NOS1AP: variants seen among roughly 807,000 people sequenced by gnomAD.
NOS1AP encodes the protein carboxyl-terminal PDZ ligand of neuronal nitric oxide synthase protein.
Under a neutral mutation model 56.2 loss-of-function variants are expected in NOS1AP, and 21 were observed. The ratio of observed to expected loss-of-function variants is 0.37; its 90% CI spans 0.26 to 0.54. NOS1AP has a LOEUF of 0.54. NOS1AP is among the 20% of genes least tolerant of loss of function. The pLI is 0.84. For missense variants in NOS1AP, 522 were observed against 657.8 expected (o/e 0.79, Z 2.26); for synonymous variants, 270 against 274.6 (o/e 0.98, Z 0.17).
intron 1 of NOS1AP, among the ~76,000 whole-genome samples, chr1:162,098,505 T>A: frequency 6.6e-6 from 1 of 152,158 alleles, no homozygotes; most frequent in South Asian, 2.1e-4. Flanking sequence ...GTTTTTTTTT[T>A]TTCTCTAACT....
chr1:162,121,229 G>T lies in NOS1AP; in HGVS notation c.106-33176G>T, dbSNP rs530149365. On this transcript the variant is annotated intron_variant, in intron 1 of 9. Transcript: ENST00000361897. ...TCTGTCGCCCAGGATCAAGTGTAGT[G>T]GCACGATCTTGGTTCAGCCTCCCAA... Among the ~76,000 whole-genome samples, 4 of 150,232 alleles carry T rather than the reference G, an allele frequency of 2.7e-5. No homozygotes were observed. The East Asian group carries it at 7.8e-4, about 29-fold the overall frequency.
chr1:162,221,846 C>A (rs1037403390), intron 2 of NOS1AP, among the ~76,000 whole-genome samples: 5 of 152,078 alleles, frequency 3.3e-5, no homozygotes, highest in Non-Finnish European at 7.4e-5. Context: ...AGCTTGTTTT[C>A]TTTTTACTCA....
At chr1:162,087,700 C>T (rs1421838694) in intron 1 of NOS1AP, among the ~76,000 whole-genome samples, 14 of 152,172 alleles carry the variant, frequency 9.2e-5, no homozygotes, top group Admixed American at 8.5e-4. Context: ...TCCCCCTTTA[C>T]CCAGTGAAGT....
At chr1:162,104,025 G>C (rs957090563) in intron 1 of NOS1AP, among the ~76,000 whole-genome samples, 2 of 152,180 alleles carry the variant, frequency 1.3e-5, no homozygotes, top group African/African-American at 4.8e-5. Flanking sequence ...ACTTCAGTGA[G>C]TTTTTGTAGT....
chr1:162,283,831 CA>C (rs1655010854), intron 2 of NOS1AP, among the ~76,000 whole-genome samples: 1 of 152,168 alleles, frequency 6.6e-6, no homozygotes, highest in South Asian at 2.1e-4. Flanking sequence ...CTCTGGCTGG[CA>C]AAGCAAATGC....
chr1:162,273,838 C>T lies in NOS1AP; in HGVS notation c.178-13506C>T, dbSNP rs537812415. Among the ~76,000 whole-genome samples the T allele has an allele frequency of 2.6e-5, 4 of 152,254 alleles. No homozygotes were observed. In the South Asian group the frequency reaches 8.3e-4, roughly 32 times the overall value. On this transcript the variant is annotated intron_variant, in intron 2 of 9. Coordinates refer to ENST00000361897, the MANE Select transcript of NOS1AP (RefSeq NM_014697.3). ...TTTTATTTGTTAAAAATTTGTTTTA[C>T]ATTTCAACCAATTCCCCTCTAACTT...
At chr1:162,173,792 C>T (rs1650922133) in intron 2 of NOS1AP, among the ~76,000 whole-genome samples, 1 of 152,188 alleles carries the variant, frequency 6.6e-6, no homozygotes. Flanking sequence ...GACATTTATG[C>T]AGCCAAAAGA....
intron 6 of NOS1AP, among the ~76,000 whole-genome samples, chr1:162,348,688 A>G (rs903605068): frequency 2.6e-5 from 4 of 152,190 alleles, no homozygotes; most frequent in Non-Finnish European, 4.4e-5. Context: ...CTCTGCAAGG[A>G]GATCAAGCAT....
chr1:162,298,828 C>G (rs1056566297), intron 3 of NOS1AP, among the ~76,000 whole-genome samples: 23 of 152,104 alleles, frequency 1.5e-4, no homozygotes, highest in African/African-American at 4.8e-4. Context: ...AATGAAAAAG[C>G]AGAGTGTCAG....
chr1:162,230,879 A>C (rs1040719752), intron 2 of NOS1AP, among the ~76,000 whole-genome samples: 3 of 152,206 alleles, frequency 2.0e-5, no homozygotes, highest in Non-Finnish European at 2.9e-5. Context: ...TTTTGTGTAT[A>C]CATTCATATG....
chr1:162,249,243 C>G (rs1326042352), intron 2 of NOS1AP, among the ~76,000 whole-genome samples: 1 of 152,140 alleles, frequency 6.6e-6, no homozygotes, highest in Non-Finnish European at 1.5e-5. Flanking sequence ...TGCATTGTCC[C>G]TAGTCCAGCA....
intron 3 of NOS1AP, among the ~76,000 whole-genome samples, chr1:162,288,933 A>G (rs1215188403): frequency 6.6e-6 from 1 of 152,172 alleles, no homozygotes; most frequent in African/African-American, 2.4e-5. Flanking sequence ...GTCACGGGAC[A>G]GTCTTTAGAG....
chr1:162,298,711 C>T (rs1161736672), intron 3 of NOS1AP, among the ~76,000 whole-genome samples: 2 of 152,148 alleles, frequency 1.3e-5, no homozygotes, highest in Non-Finnish European at 2.9e-5. Context: ...AGACAATCAA[C>T]TGGTGCTAAC....
In NOS1AP at chr1:162,303,642, A is replaced by G. The variant is rs143583351; in HGVS notation, c.344+2936A>G. On this transcript the variant is annotated intron_variant, in intron 4 of 9. Coordinates refer to ENST00000361897, the MANE Select transcript of NOS1AP (RefSeq NM_014697.3). ...TTTTTTGTAGAGACAGGGCCTCACT[A>G]TGTTGCCCAGGCTGGTCTTGAACTG... is the stretch of plus-strand genomic sequence containing the variant. Among the ~76,000 whole-genome samples the G allele has an allele frequency of 9.4e-3, 1,432 of 152,110 alleles. 27 individuals are homozygous for G. Among genetic ancestry groups the G allele is most frequent in the African/African-American group, 0.033 (1,353 of 41,520 alleles).
chr1:162,096,454 G>T (rs377158335), intron 1 of NOS1AP, among the ~76,000 whole-genome samples: 1 of 151,952 alleles, frequency 6.6e-6, no homozygotes, highest in African/African-American at 2.4e-5. Context: ...AAAAATATAC[G>T]TAATATAAAG....
intron 2 of NOS1AP, among the ~76,000 whole-genome samples, chr1:162,266,873 G>A (rs1654439278): frequency 6.6e-6 from 1 of 152,164 alleles, no homozygotes; most frequent in African/African-American, 2.4e-5. Context: ...TCTCATCTGT[G>A]GTTGTTAGGT....
chr1:162,193,747 A>G (rs1048747606), intron 2 of NOS1AP, among the ~76,000 whole-genome samples: 2 of 152,172 alleles, frequency 1.3e-5, no homozygotes, highest in Non-Finnish European at 2.9e-5. Flanking sequence ...TTCAGAAATC[A>G]AGCTAGATCT....
At chr1:162,316,118 C>T (rs759067707) in intron 4 of NOS1AP, among the ~76,000 whole-genome samples, 3 of 152,058 alleles carry the variant, frequency 2.0e-5, no homozygotes, top group Non-Finnish European at 4.4e-5. Context: ...AATGAACGAA[C>T]GAATGAATGA....
intron 2 of NOS1AP, among the ~76,000 whole-genome samples, chr1:162,238,030 A>G (rs906396927): frequency 6.6e-6 from 1 of 152,026 alleles, no homozygotes; most frequent in Non-Finnish European, 1.5e-5. Flanking sequence ...ATCATGAGCC[A>G]CATCTGACAG....
Sources: allele counts gnomAD v4.1 joint callset (sites outside exome capture counted in the v4.1 genomes callset), GRCh38; gene constraint gnomAD v4.1.1; transcripts MANE v1.5; gene names NCBI Gene and HGNC (gene_info 2026-07-23, HGNC 2026-07-21).